Variants in BAIAP2 observed in about 807,000 individuals in gnomAD.
The protein encoded by BAIAP2 is BAR/IMD domain-containing adapter protein 2.
Under a neutral mutation model 63.0 loss-of-function variants are expected in BAIAP2, and 18 were observed. The observed-to-expected ratio is 0.29, with a 90% CI of 0.20 to 0.42. BAIAP2 has a LOEUF of 0.42. Ranked by LOEUF, BAIAP2 falls within the 10% of genes least tolerant of loss-of-function variation. The pLI, the probability that BAIAP2 is intolerant of heterozygous loss-of-function variation, is 1.00. For synonymous variants in BAIAP2, 386 were observed against 307.6 expected (o/e 1.25, Z -2.67); for missense variants, 610 against 734.3 (o/e 0.83, Z 1.96).
rs1196291813 is a variant in BAIAP2, at chr17:81,100,168, A to ACACAC, written c.642+90_642+94dup. The ACACAC allele has an allele frequency of 1.4e-5, 21 of 1,454,386 alleles. 1 individual carries two copies. In the South Asian group the frequency reaches 1.8e-4, roughly 12 times the overall value. The allele number at this position is 1,454,386 out of a possible 1,614,324, so 90.1% of individuals were successfully genotyped here. On this transcript the variant is annotated intron_variant, in intron 7 of 13. Coordinates refer to ENST00000428708, the MANE Select transcript of BAIAP2 (RefSeq NM_001144888.2). ...CCCTGCCCCAGCCCCAGCCCCGTGA[A>ACACAC]CACACCGGGGCAGTGTCCAGGCTCG...
Position 81,115,746 on chromosome 17 carries a change from TAAAA to T in BAIAP2, c.1536-23_1536-20del. 1 of 1,613,416 alleles carries T rather than the reference TAAAA, an allele frequency of 6.2e-7. No homozygotes were observed. The highest frequency in any genetic ancestry group is 8.5e-7 in the Non-Finnish European group (1 of 1,179,988). ...CACCCATGGCTTCCGCCCTAAAAAT[TAAAA>T]CCACGTTTTTCTCTTTCAGGAATCC... On this transcript the variant is annotated intron_variant, in intron 13 of 13. Coordinates refer to ENST00000428708, the MANE Select transcript of BAIAP2 (RefSeq NM_001144888.2).
At chr17:81,085,443 C>A in intron 4 of BAIAP2, 1 of 684,168 alleles carries the variant, frequency 1.5e-6, no homozygotes. Context: ...GATTGTCCGA[C>A]GTTCCAGACT....
intron 1 of BAIAP2, among the ~76,000 whole-genome samples, chr17:81,045,238 G>A (rs183238595): frequency 6.6e-5 from 10 of 152,320 alleles, no homozygotes; most frequent in East Asian, 1.9e-4. Flanking sequence ...CGCAGAGGGC[G>A]TGCAGGTGTC....
chr17:81,076,786 T>C (rs1212184418), intron 3 of BAIAP2, among the ~76,000 whole-genome samples: 1 of 151,720 alleles, frequency 6.6e-6, no homozygotes. Context: ...CTGGGCAACA[T>C]AGTGAGACCC....
Position 81,104,126 on chromosome 17 carries a change from G to A in BAIAP2, c.1066+18G>A. On this transcript the variant is annotated intron_variant, in intron 9 of 13. Transcript: ENST00000428708. Reference sequence around the variant, plus strand: ...TGCCACCAGTAAGGGCTCCGCTGGGGTGTTGGGCTGGGGTCCCTGGACGTG... The same window carrying A: ...TGCCACCAGTAAGGGCTCCGCTGGGATGTTGGGCTGGGGTCCCTGGACGTG... The A allele has an allele frequency of 6.2e-7, 1 of 1,612,404 alleles. No homozygotes were observed. The highest frequency in any genetic ancestry group is 8.5e-7 in the Non-Finnish European group (1 of 1,179,570).
chr17:81,084,805 C>T (rs1183220559), intron 3 of BAIAP2, 27 bp from the exon 4 acceptor site: 1 of 1,611,534 alleles, frequency 6.2e-7, no homozygotes, highest in South Asian at 1.1e-5. Context: ...GACTCCCTCC[C>T]CTTCCTTCTG....
In BAIAP2 at chr17:81,057,973, A is replaced by ACCCCCCCCCCCCCC. The variant is rs60972273; in HGVS notation, c.217+9_217+22dup. On this transcript the variant is annotated splice_region_variant and intron_variant, in intron 3 of 13. Transcript: ENST00000428708. ...CCAGGGCTCCAAAGAACTCGGTGAG[A>ACCCCCCCCCCCCCC]CCCCCCCCCCCCCCCCGCCTGGTAG... 72 of 765,852 alleles carry ACCCCCCCCCCCCCC rather than the reference A, an allele frequency of 9.4e-5. 11 individuals carry two copies. Among genetic ancestry groups the ACCCCCCCCCCCCCC allele is most frequent in the South Asian group, 4.6e-4 (19 of 41,258 alleles). The allele number at this position is 765,852 out of a possible 1,614,324, so 47.4% of individuals were successfully genotyped here.
At chr17:81,051,384 GTTTGT>G (rs1278548871) in intron 1 of BAIAP2, among the ~76,000 whole-genome samples, 2 of 152,108 alleles carry the variant, frequency 1.3e-5, no homozygotes, top group African/African-American at 4.8e-5. Flanking sequence ...CTTCTCTTTT[GTTTGT>G]TTTGTTTTTT....
intron 9 of BAIAP2, 121 bp from the exon 10 acceptor site, chr17:81,104,393 C>G: frequency 8.8e-7 from 1 of 1,134,568 alleles, no homozygotes; most frequent in Non-Finnish European, 1.3e-6. Context: ...GAGAGCTTAG[C>G]CAGCCCACTT....
intron 1 of BAIAP2, among the ~76,000 whole-genome samples, chr17:81,052,715 T>A (rs914365591): frequency 6.6e-6 from 1 of 151,608 alleles, no homozygotes; most frequent in Non-Finnish European, 1.5e-5. Flanking sequence ...TGAGGCCAGG[T>A]GCTGGGAGAG....
At chr17:81,094,309 G>A (rs1199141322) in intron 6 of BAIAP2, among the ~76,000 whole-genome samples, 2 of 152,204 alleles carry the variant, frequency 1.3e-5, no homozygotes, top group Non-Finnish European at 2.9e-5. Flanking sequence ...GTGGGCATGT[G>A]CTCACCAGAC....
intron 6 of BAIAP2, among the ~76,000 whole-genome samples, chr17:81,089,756 G>C (rs551763140): frequency 1.3e-5 from 2 of 152,312 alleles, no homozygotes; most frequent in East Asian, 3.9e-4. Flanking sequence ...AGTTGCCGAG[G>C]CAAATGGTCC....
At chr17:81,081,243 T>G (rs2054551255) in intron 3 of BAIAP2, among the ~76,000 whole-genome samples, 1 of 152,144 alleles carries the variant, frequency 6.6e-6, no homozygotes. Context: ...CCTGGGAATT[T>G]ATAGGATGCC....
intron 6 of BAIAP2, chr17:81,098,333 C>T: frequency 1.8e-6 from 1 of 551,558 alleles, no homozygotes; most frequent in Non-Finnish European, 2.7e-6. Flanking sequence ...CTCCCCCTCT[C>T]CAGTTTCCTC....
chr17:81,066,249 C>G (rs183315186), intron 3 of BAIAP2, among the ~76,000 whole-genome samples: 35 of 152,234 alleles, frequency 2.3e-4, no homozygotes, highest in Non-Finnish European at 4.7e-4. Flanking sequence ...CTGGGCCTGT[C>G]CTCTGCCAGC....
chr17:81,081,122 A>G (rs991483950), intron 3 of BAIAP2, among the ~76,000 whole-genome samples: 2 of 152,214 alleles, frequency 1.3e-5, no homozygotes, highest in Non-Finnish European at 2.9e-5. Context: ...CCAGTGTCCA[A>G]GGGGCCCGAG....
chr17:81,053,033 A>G (rs1198392716), intron 1 of BAIAP2, among the ~76,000 whole-genome samples: 3 of 152,092 alleles, frequency 2.0e-5, no homozygotes, highest in African/African-American at 7.2e-5. Flanking sequence ...GCCTGTTTTT[A>G]TCCCTTGTAA....
chr17:81,099,326 G>A (rs1397002418), intron 6 of BAIAP2, among the ~76,000 whole-genome samples: 6 of 152,176 alleles, frequency 3.9e-5, no homozygotes. Flanking sequence ...GGAGCCGGGT[G>A]GGAGAGGAGA....
chr17:81,088,486 T>G (rs2056115120), intron 6 of BAIAP2, among the ~76,000 whole-genome samples: 1 of 152,248 alleles, frequency 6.6e-6, no homozygotes, highest in Non-Finnish European at 1.5e-5. Context: ...CAGTCCGTTT[T>G]AGAGCATTTT....
Sources: gnomAD v4.1 joint callset for allele counts (sites outside exome capture counted in the v4.1 genomes callset) on GRCh38, gnomAD v4.1.1 for gene constraint, MANE v1.5 for transcripts, NCBI Gene and HGNC (gene_info 2026-07-23, HGNC 2026-07-21) for gene names.